The following LDAH variants were observed in gnomAD, a reference collection of about 807,000 sequenced individuals.
LDAH encodes the protein lipid droplet-associated hydrolase.
In LDAH, 26 loss-of-function variants were observed where a neutral mutation model predicts 29.6. That is an observed-to-expected ratio of 0.88 (90% confidence interval 0.64 to 1.22). The LOEUF is 1.22. LDAH is among the 50% of genes most tolerant of loss of function. LDAH has a pLI of 0.00. For synonymous variants in LDAH, 117 were observed against 133.0 expected (o/e 0.88, Z 0.83); for missense variants, 344 against 387.3 (o/e 0.89, Z 0.94).
At chr2:20,737,902 C>T (rs1666902446) in intron 5 of LDAH, among the ~76,000 whole-genome samples, 1 of 151,942 alleles carries the variant, frequency 6.6e-6, no homozygotes, top group Non-Finnish European at 1.5e-5. Context: ...TGGGAGTGTC[C>T]AGATATCCTG....
chr2:20,779,526 AT>A lies in LDAH; in HGVS notation c.299-4548del, dbSNP rs200618104. On this transcript the variant is annotated intron_variant, in intron 3 of 6. Coordinates refer to ENST00000237822, the MANE Select transcript of LDAH (RefSeq NM_021925.4). ...TAATTTCTTTCAAATACACAAAAAA[AT>A]AATATGTTGTTCACCATGCTATACA... Among the ~76,000 whole-genome samples, 410 of 152,234 alleles carry A rather than the reference AT, an allele frequency of 2.7e-3. 2 individuals carry two copies. Among genetic ancestry groups the A allele is most frequent in the African/African-American group, 9.4e-3 (392 of 41,574 alleles).
At chr2:20,819,468 G>A (rs571997669) in intron 1 of LDAH, among the ~76,000 whole-genome samples, 5 of 152,172 alleles carry the variant, frequency 3.3e-5, no homozygotes, top group African/African-American at 7.2e-5. Flanking sequence ...AAAAGTCCTC[G>A]CAAATCAATA....
intron 5 of LDAH, among the ~76,000 whole-genome samples, chr2:20,727,809 CT>C (rs1337965851): frequency 2.0e-5 from 3 of 152,068 alleles, no homozygotes; most frequent in Admixed American, 1.3e-4. Flanking sequence ...CATATATGTT[CT>C]TTAAAAATAA....
At chr2:20,816,484 A>C (rs1672858078) in intron 1 of LDAH, among the ~76,000 whole-genome samples, 1 of 152,140 alleles carries the variant, frequency 6.6e-6, no homozygotes, top group South Asian at 2.1e-4. Flanking sequence ...CACTGCCATC[A>C]GTTAAGTAGA....
intron 5 of LDAH, among the ~76,000 whole-genome samples, chr2:20,721,387 C>G (rs1401473089): frequency 6.6e-6 from 1 of 152,070 alleles, no homozygotes; most frequent in Non-Finnish European, 1.5e-5. Flanking sequence ...TGCTCAGCAT[C>G]ACTATCAGGA....
At chr2:20,742,363 C>T (rs1030761686) in intron 4 of LDAH, among the ~76,000 whole-genome samples, 73 of 152,128 alleles carry the variant, frequency 4.8e-4, no homozygotes, top group African/African-American at 1.7e-3. Flanking sequence ...CATTTACTGC[C>T]TGCTGGATCT....
intron 4 of LDAH, among the ~76,000 whole-genome samples, chr2:20,764,753 C>T (rs1239059999): frequency 6.6e-6 from 1 of 151,852 alleles, no homozygotes; most frequent in African/African-American, 2.4e-5. Context: ...TAATCATCAC[C>T]TCTCTAACTC....
chr2:20,735,714 T>C (rs1666727959), intron 5 of LDAH, among the ~76,000 whole-genome samples: 1 of 152,238 alleles, frequency 6.6e-6, no homozygotes, highest in Non-Finnish European at 1.5e-5. Flanking sequence ...AAACTTTATG[T>C]TTTAGATGTT....
chr2:20,743,826 T>C (rs934005770), intron 4 of LDAH, among the ~76,000 whole-genome samples: 1 of 151,364 alleles, frequency 6.6e-6, no homozygotes, highest in African/African-American at 2.4e-5. Context: ...CTTTTCCATC[T>C]AGTATTCCCC....
Position 20,701,082 on chromosome 2 carries a change from A to T in LDAH, c.786+488T>A, listed in dbSNP as rs147875058. Among the ~76,000 whole-genome samples the T allele has an allele frequency of 5.3e-4, 81 of 152,326 alleles. No homozygotes were observed. The Middle Eastern group carries it at 0.024, about 45-fold the overall frequency. On this transcript the variant is annotated intron_variant, in intron 6 of 6. Transcript: ENST00000237822. ...GTGCTTCCAGATGTGTGTGTGCAAG[A>T]TTCTAGTATTTGCAGCATAACTCCC...
At chr2:20,740,698 G>A (rs1468963732) in intron 4 of LDAH, among the ~76,000 whole-genome samples, 2 of 152,182 alleles carry the variant, frequency 1.3e-5, no homozygotes, top group African/African-American at 2.4e-5. Context: ...GGAAATACTG[G>A]TTGCTTGTAA....
intron 5 of LDAH, among the ~76,000 whole-genome samples, chr2:20,729,630 A>T (rs1418936734): frequency 6.6e-6 from 1 of 152,190 alleles, no homozygotes; most frequent in African/African-American, 2.4e-5. Context: ...TGGTATCCCT[A>T]GCTGGAGAAT....
chr2:20,685,670 G>T lies in LDAH; in HGVS notation c.*1233C>A. ...TGAGGGATTTCCTCTAGGAGAAAAA[G>T]GAATATTTCTGATCCATGATCAACT... On this transcript the variant is annotated 3_prime_UTR_variant, in exon 7 of 7. Coordinates refer to ENST00000237822, the MANE Select transcript of LDAH (RefSeq NM_021925.4). 1.3e-6 allele frequency: 2 copies of T among 1,548,494 alleles called. No homozygotes were observed. The highest frequency in any genetic ancestry group is 1.7e-6 in the Non-Finnish European group (2 of 1,146,494).
chr2:20,685,812 G>A lies in LDAH; in HGVS notation c.*1091C>T, dbSNP rs1223805479. 2 of 853,274 alleles carry A rather than the reference G, an allele frequency of 2.3e-6. No individual in the cohort carries two copies. Among genetic ancestry groups the A allele is most frequent in the African/African-American group, 3.5e-5 (2 of 57,484 alleles). The allele number at this position is 853,274 out of a possible 1,614,324, so 52.9% of individuals were successfully genotyped here. ...TCTGCCATACCTCAATGTGTCTAGA[G>A]AAGGTGAATTCACATAACTTAATGG... On this transcript the variant is annotated 3_prime_UTR_variant, in exon 7 of 7. Coordinates refer to ENST00000237822, the MANE Select transcript of LDAH (RefSeq NM_021925.4).
chr2:20,733,908 G>A (rs780114489), intron 5 of LDAH, among the ~76,000 whole-genome samples: 4 of 152,116 alleles, frequency 2.6e-5, no homozygotes, highest in East Asian at 1.9e-4. Context: ...AGAAGTGTGC[G>A]GTTTACTTTC....
chr2:20,696,024 A>C (rs1663446366), intron 6 of LDAH, among the ~76,000 whole-genome samples: 1 of 152,182 alleles, frequency 6.6e-6, no homozygotes, highest in South Asian at 2.1e-4. Flanking sequence ...TGCCCAAATA[A>C]AGCTTTCAAG....
chr2:20,689,127 T>C (rs931029200), intron 6 of LDAH, among the ~76,000 whole-genome samples: 3 of 152,060 alleles, frequency 2.0e-5, no homozygotes. Context: ...CTGAGAATGA[T>C]GGTTTCCAGC....
chr2:20,792,626 C>G (rs1229390501), intron 2 of LDAH, among the ~76,000 whole-genome samples: 1 of 152,166 alleles, frequency 6.6e-6, no homozygotes, highest in Non-Finnish European at 1.5e-5. Context: ...TTGCACAAAA[C>G]TTGGCACATG....
At chr2:20,687,172 T>A (rs1662623242) in intron 6 of LDAH, 78 bp from the exon 7 acceptor site, 2 of 1,235,214 alleles carry the variant, frequency 1.6e-6, no homozygotes, top group African/African-American at 3.0e-5. Context: ...CAGCCGGCAG[T>A]GCTCTGAGGA....
Sources: allele counts gnomAD v4.1 joint callset (sites outside exome capture counted in the v4.1 genomes callset), GRCh38; gene constraint gnomAD v4.1.1; transcripts MANE v1.5; gene names NCBI Gene and HGNC (gene_info 2026-07-23, HGNC 2026-07-21).